ARL15: variants seen among roughly 807,000 people sequenced by gnomAD.
ARL15 encodes the protein ADP-ribosylation factor-like protein 15.
Under a neutral mutation model 25.2 loss-of-function variants are expected in ARL15, and 19 were observed. The ratio of observed to expected loss-of-function variants is 0.75; its 90% CI spans 0.53 to 1.10. The LOEUF (loss-of-function observed/expected upper bound fraction) is 1.10. Among genes scored for constraint, ARL15 ranks in the 50% least tolerant of loss-of-function variants. The pLI is 0.00. For missense variants in ARL15, 220 were observed against 246.0 expected, an observed-to-expected ratio of 0.89 and a Z score of 0.71; for synonymous variants, 94 against 86.8, an observed-to-expected ratio of 1.08 and a Z score of -0.46.
chr5:54,098,817 C>T (rs929606952), intron 4 of ARL15, among the ~76,000 whole-genome samples: 3 of 152,200 alleles, frequency 2.0e-5, no homozygotes, highest in Non-Finnish European at 2.9e-5. Flanking sequence ...CCAAAGAAAA[C>T]CCATTCTAGG....
At chr5:54,250,728 A>T (rs531411869) in intron 1 of ARL15, among the ~76,000 whole-genome samples, 1 of 152,136 alleles carries the variant, frequency 6.6e-6, no homozygotes, top group African/African-American at 2.4e-5. Context: ...AGCAGAGTCC[A>T]CAGGTCCTGG....
chr5:54,252,356 C>T (rs1757252640), intron 1 of ARL15, among the ~76,000 whole-genome samples: 1 of 152,200 alleles, frequency 6.6e-6, no homozygotes, highest in African/African-American at 2.4e-5. Flanking sequence ...TGCAAAATAG[C>T]ATCAAGAAAG....
chr5:54,243,305 T>C (rs1239219030), intron 1 of ARL15, among the ~76,000 whole-genome samples: 1 of 152,338 alleles, frequency 6.6e-6, no homozygotes, highest in South Asian at 2.1e-4. Flanking sequence ...CTTCTGTAAA[T>C]AGATGTAATC....
At chr5:53,953,269 G>A (rs964474455) in intron 4 of ARL15, among the ~76,000 whole-genome samples, 8 of 152,116 alleles carry the variant, frequency 5.3e-5, no homozygotes, top group African/African-American at 1.9e-4. Context: ...TAAAATAAAT[G>A]AGATTCTACC....
chr5:54,196,503 G>A (rs1249046778), intron 1 of ARL15, among the ~76,000 whole-genome samples: 1 of 152,050 alleles, frequency 6.6e-6, no homozygotes, highest in African/African-American at 2.4e-5. Context: ...TTGTGGTCAG[G>A]ACTAAATTAG....
chr5:54,119,896 T>A (rs1368567432), intron 3 of ARL15, among the ~76,000 whole-genome samples: 2 of 152,158 alleles, frequency 1.3e-5, no homozygotes, highest in African/African-American at 4.8e-5. Flanking sequence ...GAATAATTTC[T>A]AAAAATCTTC....
intron 3 of ARL15, among the ~76,000 whole-genome samples, chr5:54,127,135 T>C (rs867239999): frequency 6.6e-5 from 10 of 152,220 alleles, no homozygotes; most frequent in Non-Finnish European, 1.5e-4. Flanking sequence ...AGAATGATGA[T>C]TTCCAATTTC....
intron 3 of ARL15, among the ~76,000 whole-genome samples, chr5:54,151,344 A>G (rs1417042765): frequency 6.6e-6 from 1 of 151,992 alleles, no homozygotes; most frequent in East Asian, 1.9e-4. Context: ...TCTGCACTTA[A>G]TTTTTTTCCC....
At position 54,295,532 on chromosome 5, in the gene ARL15, G is replaced by A. The variant is rs1282282110; in HGVS notation, c.48+14900C>T. Among the ~76,000 whole-genome samples the A allele has an allele frequency of 2.6e-5, 4 of 152,240 alleles. No homozygotes were observed. The East Asian group carries it at 5.8e-4, about 22-fold the overall frequency. ...ATGCAAAGGAAACCTAGGAGCAATCGCGTGATCACATCTAAATGACCCAAC... is the reference window on the plus strand; with the variant it reads ...ATGCAAAGGAAACCTAGGAGCAATCACGTGATCACATCTAAATGACCCAAC... On this transcript the variant is annotated intron_variant, in intron 1 of 4. Coordinates refer to ENST00000504924, the MANE Select transcript of ARL15 (RefSeq NM_019087.3).
At chr5:54,143,911 T>C (rs1753836417) in intron 3 of ARL15, among the ~76,000 whole-genome samples, 1 of 152,024 alleles carries the variant, frequency 6.6e-6, no homozygotes, top group Non-Finnish European at 1.5e-5. Flanking sequence ...TTATTCTTAA[T>C]TGCCTTTAAG....
chr5:54,107,801 C>T (rs1204195550), intron 4 of ARL15, among the ~76,000 whole-genome samples: 1 of 152,016 alleles, frequency 6.6e-6, no homozygotes, highest in Non-Finnish European at 1.5e-5. Context: ...AGATGTATAA[C>T]TTTATTACCC....
intron 1 of ARL15, among the ~76,000 whole-genome samples, chr5:54,296,145 T>C (rs1451792418): frequency 6.6e-6 from 1 of 152,326 alleles, no homozygotes; most frequent in East Asian, 1.9e-4. Context: ...GCAGTTGAAG[T>C]GTCTTTAACC....
chr5:53,926,349 A>G (rs1455791366), intron 4 of ARL15, among the ~76,000 whole-genome samples: 1 of 152,126 alleles, frequency 6.6e-6, no homozygotes, highest in African/African-American at 2.4e-5. Flanking sequence ...ATCTGGGACC[A>G]TGGAAGAAAG....
chr5:53,982,283 C>T (rs929891893), intron 4 of ARL15, among the ~76,000 whole-genome samples: 36 of 151,460 alleles, frequency 2.4e-4, no homozygotes, highest in African/African-American at 7.8e-4. Flanking sequence ...TTTGCTGCAC[C>T]CATCAACCTG....
At chr5:53,983,600 A>G (rs943572640) in intron 4 of ARL15, among the ~76,000 whole-genome samples, 2 of 152,218 alleles carry the variant, frequency 1.3e-5, no homozygotes, top group Non-Finnish European at 2.9e-5. Context: ...ATTTTGGACC[A>G]TAGCTACTGT....
intron 4 of ARL15, among the ~76,000 whole-genome samples, chr5:53,997,880 G>A (rs1419692458): frequency 1.3e-5 from 2 of 151,928 alleles, no homozygotes; most frequent in African/African-American, 4.8e-5. Context: ...CCTTTAAAAA[G>A]AGCCTGATGT....
intron 4 of ARL15, among the ~76,000 whole-genome samples, chr5:53,891,074 G>A (rs1744691906): frequency 1.3e-5 from 2 of 152,194 alleles, no homozygotes. Context: ...TAGAAGGCAT[G>A]TAAACAGTTT....
intron 1 of ARL15, among the ~76,000 whole-genome samples, chr5:54,289,674 TA>T (rs904706084): frequency 6.6e-6 from 1 of 152,186 alleles, no homozygotes; most frequent in Non-Finnish European, 1.5e-5. Context: ...CCATACAACT[TA>T]CTATTTGTAG....
chr5:53,891,762 T>C (rs1020949359), intron 4 of ARL15, among the ~76,000 whole-genome samples: 2 of 152,166 alleles, frequency 1.3e-5, no homozygotes, highest in Non-Finnish European at 2.9e-5. Flanking sequence ...GGTCAGGATC[T>C]ATCTAAGGAG....
Sources: gnomAD v4.1 joint callset for allele counts (sites outside exome capture counted in the v4.1 genomes callset) on GRCh38, gnomAD v4.1.1 for gene constraint, MANE v1.5 for transcripts, NCBI Gene and HGNC (gene_info 2026-07-23, HGNC 2026-07-21) for gene names.